Variants in NSUN3 observed in about 807,000 individuals in gnomAD.
The protein encoded by NSUN3 is NOP2/Sun RNA methyltransferase 3, also known as tRNA (cytosine(34)-C(5))-methyltransferase, mitochondrial.
NSUN3 carries 24 observed loss-of-function variants against 36.8 expected under a neutral mutation model. The observed-to-expected ratio is 0.65, with a 90% confidence interval of 0.47 to 0.92. The LOEUF is 0.92. NSUN3 is among the 40% of genes least tolerant of loss of function. The pLI is 0.00. For synonymous variants in NSUN3, 146 were observed against 145.2 expected, an observed-to-expected ratio of 1.01 and a Z score of -0.04; for missense variants, 381 against 392.8, an observed-to-expected ratio of 0.97 and a Z score of 0.25.
chr3:94,093,153 A>G (rs2077323041), intron 3 of NSUN3, among the ~76,000 whole-genome samples: 1 of 151,786 alleles, frequency 6.6e-6, no homozygotes. Flanking sequence ...CCTTGATTTA[A>G]GGACTCTGCA....
chr3:94,102,783 A>G (rs2077371269), intron 5 of NSUN3, among the ~76,000 whole-genome samples: 1 of 152,222 alleles, frequency 6.6e-6, no homozygotes, highest in African/African-American at 2.4e-5. Context: ...TTCATAAAAA[A>G]TGTGTCAAAT....
Position 94,113,082 on chromosome 3 carries a change from T to G in NSUN3, c.744-13129T>G, listed in dbSNP as rs543054508. 1.4e-4 allele frequency among the ~76,000 whole-genome samples: 21 copies of G among 152,182 alleles called. No homozygotes were observed. In the South Asian group the frequency reaches 4.2e-3, roughly 30 times the overall value. ...GGTTTCACTGTGTTAGCCAGGATGG[T>G]CTCAATCTCCTGACCTCATGATCCG... On this transcript the variant is annotated intron_variant, in intron 5 of 5. Transcript: ENST00000314622.
chr3:94,106,112 T>C (rs2077387767), intron 5 of NSUN3, among the ~76,000 whole-genome samples: 1 of 152,178 alleles, frequency 6.6e-6, no homozygotes, highest in South Asian at 2.1e-4. Context: ...ATGTGAAGTC[T>C]CCAAATGGAA....
chr3:94,090,702 T>C (rs1242643195), intron 3 of NSUN3, among the ~76,000 whole-genome samples: 4 of 152,136 alleles, frequency 2.6e-5, no homozygotes, highest in Non-Finnish European at 4.4e-5. Flanking sequence ...ATGCATCAAT[T>C]ATCTTTAAAT....
chr3:94,092,338 T>C (rs2077318713), intron 3 of NSUN3, among the ~76,000 whole-genome samples: 1 of 152,206 alleles, frequency 6.6e-6, no homozygotes, highest in African/African-American at 2.4e-5. Context: ...TCTATCATGC[T>C]ACTTCCATGA....
At chr3:94,111,774 G>T (rs998831579) in intron 5 of NSUN3, among the ~76,000 whole-genome samples, 7 of 151,514 alleles carry the variant, frequency 4.6e-5, no homozygotes, top group African/African-American at 1.7e-4. Flanking sequence ...ACCTTCTTCT[G>T]GTAACCTCCT....
At chr3:94,101,199 C>T (rs933594163) in intron 5 of NSUN3, among the ~76,000 whole-genome samples, 1 of 152,094 alleles carries the variant, frequency 6.6e-6, no homozygotes, top group East Asian at 1.9e-4. Context: ...CACTGTATTC[C>T]CCAGGCTGGT....
chr3:94,108,718 G>A (rs1289121857), intron 5 of NSUN3, among the ~76,000 whole-genome samples: 2 of 151,674 alleles, frequency 1.3e-5, no homozygotes, highest in Non-Finnish European at 2.9e-5. Context: ...GAGTGCAATG[G>A]CACAATCTCA....
chr3:94,103,282 C>T (rs1000921582), intron 5 of NSUN3, among the ~76,000 whole-genome samples: 1 of 151,914 alleles, frequency 6.6e-6, no homozygotes, highest in East Asian at 1.9e-4. Flanking sequence ...GGCCAGTTAT[C>T]GTAAAATGTG....
intron 5 of NSUN3, among the ~76,000 whole-genome samples, chr3:94,119,882 T>C (rs757513783): frequency 2.6e-5 from 4 of 152,250 alleles, no homozygotes; most frequent in Non-Finnish European, 4.4e-5. Flanking sequence ...TTAAAAAGGC[T>C]TTGTGTTACC....
chr3:94,114,035 G>T (rs1384226310), intron 5 of NSUN3, among the ~76,000 whole-genome samples: 1 of 152,080 alleles, frequency 6.6e-6, no homozygotes, highest in Non-Finnish European at 1.5e-5. Flanking sequence ...CTCTATAAAA[G>T]GACTGCTAGG....
Position 94,126,292 on chromosome 3 carries a change from G to A in NSUN3, c.825G>A (p.Val275=). Reference sequence around the variant, plus strand: ...TTTCCAAGGCAGAAAATCAAGATGTGATCAGTGAAATTTTAAACTCCCACG... The same window carrying A: ...TTTCCAAGGCAGAAAATCAAGATGTAATCAGTGAAATTTTAAACTCCCACG... ...CTLSKAENQD[V]ISEILNSHGN... The change falls in exon 6 of 6, where the codon GTG becomes GTA. Residue 275 remains valine (V), a synonymous_variant. Coordinates refer to ENST00000314622, the MANE Select transcript of NSUN3 (RefSeq NM_022072.5). 1 of 1,614,046 alleles carries A rather than the reference G, an allele frequency of 6.2e-7. No homozygotes were observed. The highest frequency in any genetic ancestry group is 8.5e-7 in the Non-Finnish European group (1 of 1,179,978).
At chr3:94,097,702 T>G (rs1273109748) in intron 5 of NSUN3, among the ~76,000 whole-genome samples, 1 of 152,174 alleles carries the variant, frequency 6.6e-6, no homozygotes, top group Non-Finnish European at 1.5e-5. Flanking sequence ...TACTGCTTGC[T>G]CCCTCTTAAA....
intron 2 of NSUN3, among the ~76,000 whole-genome samples, chr3:94,068,077 T>C (rs2107234185): frequency 6.6e-6 from 1 of 152,290 alleles, no homozygotes; most frequent in Middle Eastern, 3.4e-3. Context: ...AAATCCCACC[T>C]CTGCATCTTG....
intron 3 of NSUN3, 66 bp from the exon 4 acceptor site, chr3:94,094,074 G>A: frequency 8.6e-7 from 1 of 1,168,520 alleles, no homozygotes; most frequent in Admixed American, 2.9e-5. Context: ...AAATTTATTT[G>A]CTGAAAAGTA....
intron 2 of NSUN3, among the ~76,000 whole-genome samples, chr3:94,071,488 T>C (rs568310712): frequency 6.6e-6 from 1 of 152,374 alleles, no homozygotes; most frequent in African/African-American, 2.4e-5. Flanking sequence ...AAAATCATTA[T>C]GATATTTAGT....
chr3:94,066,004 A>G (rs978173227), intron 2 of NSUN3, among the ~76,000 whole-genome samples: 1 of 151,868 alleles, frequency 6.6e-6, no homozygotes, highest in Non-Finnish European at 1.5e-5. Context: ...CTGACTCAAT[A>G]ACTCCCACAG....
At chr3:94,087,727 G>A (rs766451029) in intron 3 of NSUN3, among the ~76,000 whole-genome samples, 1 of 152,174 alleles carries the variant, frequency 6.6e-6, no homozygotes, top group Admixed American at 6.5e-5. Flanking sequence ...CTGGAGTGCA[G>A]TGGTGCGATC....
At chr3:94,093,387 T>A (rs1196343354) in intron 3 of NSUN3, among the ~76,000 whole-genome samples, 2 of 152,178 alleles carry the variant, frequency 1.3e-5, no homozygotes, top group Non-Finnish European at 2.9e-5. Flanking sequence ...TACAATGTTT[T>A]TTCCCTTCTA....
Sources: gnomAD v4.1 joint callset for allele counts (sites outside exome capture counted in the v4.1 genomes callset) on GRCh38, gnomAD v4.1.1 for gene constraint, MANE v1.5 for transcripts, NCBI Gene and HGNC (gene_info 2026-07-23, HGNC 2026-07-21) for gene names.